Variants in ESPN observed in about 807,000 individuals in gnomAD.
The protein encoded by ESPN is autosomal recessive deafness type 36 protein.
ESPN carries 68 observed loss-of-function variants against 77.7 expected under a neutral mutation model. That is an observed-to-expected ratio of 0.87 (90% CI 0.72 to 1.07). The LOEUF (loss-of-function observed/expected upper bound fraction) is 1.07, where lower values mean the gene tolerates loss of function less well. ESPN is among the 50% of genes least tolerant of loss of function. The pLI, the probability that ESPN is intolerant of heterozygous loss-of-function variation, is 0.00. For missense variants in ESPN, 1,060 were observed against 1,239.0 expected (o/e 0.86, Z 2.17); for synonymous variants, 449 against 567.1 (o/e 0.79, Z 2.96).
chr1:6,432,143 T>G (rs1169659714), intron 2 of ESPN, among the ~76,000 whole-genome samples: 3 of 152,142 alleles, frequency 2.0e-5, no homozygotes, highest in Non-Finnish European at 4.4e-5. Context: ...GCCCAGGGGT[T>G]CAGGCAGCCC....
At chr1:6,425,895 T>TG (rs1422400323) in intron 1 of ESPN, among the ~76,000 whole-genome samples, 1 of 152,106 alleles carries the variant, frequency 6.6e-6, no homozygotes, top group East Asian at 1.9e-4. Context: ...CAGGCAGCGG[T>TG]GGGACAGTTC....
Position 6,428,135 on chromosome 1 carries a change from A to G in ESPN, c.295-91A>G, listed in dbSNP as rs1057165534. 4.4e-6 allele frequency: 6 copies of G among 1,359,392 alleles called. No homozygotes were observed. Among genetic ancestry groups the G allele is most frequent in the Non-Finnish European group, 6.3e-6 (6 of 951,926 alleles). 84.2% of individuals were successfully genotyped at this position (1,359,392 alleles called of 1,614,324 possible). A position where few individuals can be genotyped will look rare whatever the true frequency, so the allele number is the denominator to read the frequency against. On this transcript the variant is annotated intron_variant, in intron 1 of 12. Coordinates refer to ENST00000645284, the MANE Select transcript of ESPN (RefSeq NM_031475.3). The surrounding 1 kb of genome is among the most constrained non-coding windows in gnomAD (Gnocchi z 5.4). ...CAGGGAAGACAGAGAGCACAGAGCT[A>G]CCTTCCAGGCCTGTGGGAGTCTGGG...
intron 2 of ESPN, among the ~76,000 whole-genome samples, chr1:6,432,894 G>A (rs547226769): frequency 4.3e-4 from 65 of 152,232 alleles, no homozygotes; most frequent in African/African-American, 1.4e-3. Context: ...AGGCTGAGGC[G>A]GGTGGAACAC....
At chr1:6,454,357 A>G (rs941524420) in intron 10 of ESPN, 20 of 398,506 alleles carry the variant, frequency 5.0e-5, no homozygotes, top group African/African-American at 2.5e-4. Context: ...GACATGCAAA[A>G]GGCTCCCGGC....
At chr1:6,434,650 C>A (rs1432561500) in intron 2 of ESPN, among the ~76,000 whole-genome samples, 2 of 152,138 alleles carry the variant, frequency 1.3e-5, no homozygotes, top group African/African-American at 2.4e-5. Context: ...CATATTTATT[C>A]ATTCAACAAA....
At chr1:6,452,675 T>C (rs1643970504) in intron 10 of ESPN, among the ~76,000 whole-genome samples, 1 of 152,192 alleles carries the variant, frequency 6.6e-6, no homozygotes. Flanking sequence ...GTGAGGCTGC[T>C]GATGCTGCTG....
At chr1:6,432,874 G>A (rs1018956496) in intron 2 of ESPN, among the ~76,000 whole-genome samples, 1 of 152,248 alleles carries the variant, frequency 6.6e-6, no homozygotes, top group Non-Finnish European at 1.5e-5. Flanking sequence ...TGTAATCCCA[G>A]CACTTTGGGA....
At chr1:6,429,438 C>G (rs1411427669) in intron 2 of ESPN, among the ~76,000 whole-genome samples, 1 of 152,130 alleles carries the variant, frequency 6.6e-6, no homozygotes, top group African/African-American at 2.4e-5. Context: ...CTGTCAGCAC[C>G]TCTTGGAGGC....
In ESPN at chr1:6,460,315, C is replaced by T. The variant is rs1002179475; in HGVS notation, c.*169C>T. ...CCCCCGTATCCCCAGCCCTTGGCAA[C>T]ACTGGAGTGCACACGCCGCCACGGT... On this transcript the variant is annotated 3_prime_UTR_variant, in exon 13 of 13. Coordinates refer to ENST00000645284, the MANE Select transcript of ESPN (RefSeq NM_031475.3). 2 of 799,734 alleles carry T rather than the reference C, an allele frequency of 2.5e-6. No individual in the cohort carries two copies. Among genetic ancestry groups the T allele is most frequent in the Non-Finnish European group, 3.9e-6 (2 of 513,124 alleles). The allele number at this position is 799,734 out of a possible 1,614,324, so 49.5% of individuals were successfully genotyped here.
intron 5 of ESPN, among the ~76,000 whole-genome samples, chr1:6,444,152 G>A (rs1462270140): frequency 3.3e-5 from 5 of 152,224 alleles, no homozygotes; most frequent in East Asian, 1.9e-4. Context: ...CTGCCGATCC[G>A]TGAGGGAGAA....
rs1335130859 is a variant in ESPN at position 6,459,851 on chromosome 1, G to C, written c.2418-148G>C. 3.1e-5 allele frequency: 28 copies of C among 904,226 alleles called. No homozygotes were observed. In the South Asian group the frequency reaches 4.0e-4, roughly 13 times the overall value. The allele number at this position is 904,226 out of a possible 1,614,324, so 56.0% of individuals were successfully genotyped here. A position where few individuals can be genotyped will look rare whatever the true frequency, so the allele number is the denominator to read the frequency against. ...ATTCTGCCCCCAATCTAGCCCCTCT[G>C]TCTTCAGCAACCGAGCCCCAGCCCT... On this transcript the variant is annotated intron_variant, in intron 12 of 12. Transcript: ENST00000645284.
chr1:6,435,686 C>G (rs573080367), intron 2 of ESPN, among the ~76,000 whole-genome samples: 1 of 152,312 alleles, frequency 6.6e-6, no homozygotes, highest in Non-Finnish European at 1.5e-5. Context: ...CCATCCTCTC[C>G]CCTCTAGGTA....
In ESPN at chr1:6,451,983, G is replaced by A; in HGVS notation, c.2212G>A (p.Ala738Thr). The change falls in exon 10 of 13, where the codon GCT becomes ACT. Residue 738 changes from alanine to threonine, a missense_variant. By Grantham distance (58) the Ala-to-Thr change is moderately conservative. This residue lies in a region of ESPN where 374 missense variants were observed against 381.4 expected (regional missense o/e 0.98). Coordinates refer to ENST00000645284, the MANE Select transcript of ESPN (RefSeq NM_031475.3). The surrounding 1 kb of genome is among the most constrained non-coding windows in gnomAD (Gnocchi z 4.3). ...PAPGVQLDVEALIPTHDEQGR... is the reference protein window; with the variant it reads ...PAPGVQLDVETLIPTHDEQGR... The stretch of plus-strand genomic sequence containing the variant: ...GCCGGGAGTGCAGCTGGACGTGGAG[G>A]CTCTCATCCCCACGCACGATGAGCA... 6.2e-7 allele frequency: 1 copy of A among 1,609,252 alleles called. No homozygotes were observed. The highest frequency in any genetic ancestry group is 8.5e-7 in the Non-Finnish European group (1 of 1,177,980).
intron 8 of ESPN, among the ~76,000 whole-genome samples, chr1:6,449,376 T>G (rs988765584): frequency 1.3e-5 from 2 of 151,976 alleles, no homozygotes; most frequent in African/African-American, 4.8e-5. Context: ...TCCCCTCCCC[T>G]CTCTGGGCCT....
chr1:6,458,742 C>G (rs1341716333), intron 12 of ESPN, among the ~76,000 whole-genome samples: 1 of 150,064 alleles, frequency 6.7e-6, no homozygotes, highest in African/African-American at 2.4e-5. Context: ...ACCAGCCTGG[C>G]CAACATGGTG....
Position 6,451,957 on chromosome 1 carries a change from C to T in ESPN, c.2186C>T (p.Ala729Val), listed in dbSNP as rs769832393. Reference sequence around the variant, plus strand: ...GTTCCCGTGCCGCCCACTACTCCTGCGCCGGGAGTGCAGCTGGACGTGGAG... The same window carrying T: ...GTTCCCGTGCCGCCCACTACTCCTGTGCCGGGAGTGCAGCTGGACGTGGAG... The part of the protein sequence containing the change: ...SLVPVPPTTP[A>V]PGVQLDVEAL... The change falls in exon 10 of 13, where the codon GCG becomes GTG. Residue 729 changes from alanine (A) to valine (V), a missense_variant. Ala to Val is a moderately conservative substitution (Grantham distance 64, BLOSUM62 0). Coordinates refer to ENST00000645284, the MANE Select transcript of ESPN (RefSeq NM_031475.3). This position sits in a 1 kb window ranked among gnomAD's most constrained non-coding sequence, Gnocchi z 4.3. 11 of 1,610,598 alleles carry T rather than the reference C, an allele frequency of 6.8e-6. No homozygotes were observed. Among genetic ancestry groups the T allele is most frequent in the Admixed American group, 5.0e-5 (3 of 59,780 alleles).
chr1:6,441,309 A>G (rs1436986050), intron 5 of ESPN, among the ~76,000 whole-genome samples: 1 of 152,196 alleles, frequency 6.6e-6, no homozygotes, highest in African/African-American at 2.4e-5. Flanking sequence ...TGGAGAAATC[A>G]CAAGACAGGA....
In ESPN at chr1:6,428,126, C is replaced by T; in HGVS notation, c.295-100C>T. On this transcript the variant is annotated intron_variant, in intron 1 of 12. Transcript: ENST00000645284. The surrounding 1 kb of genome is among the most constrained non-coding windows in gnomAD (Gnocchi z 5.4). The stretch of plus-strand genomic sequence containing the variant: ...CAATCCCTCCAGGGAAGACAGAGAG[C>T]ACAGAGCTACCTTCCAGGCCTGTGG... The T allele has an allele frequency of 1.6e-6, 2 of 1,281,970 alleles. No individual in the cohort carries two copies. Among genetic ancestry groups the T allele is most frequent in the African/African-American group, 1.5e-5 (1 of 68,530 alleles). 79.4% of individuals were successfully genotyped at this position (1,281,970 alleles called of 1,614,324 possible). A position where few individuals can be genotyped will look rare whatever the true frequency, so the allele number is the denominator to read the frequency against.
At chr1:6,459,856 C>A in intron 12 of ESPN, 143 bp from the exon 13 acceptor site, 3 of 959,556 alleles carry the variant, frequency 3.1e-6, no homozygotes, top group Non-Finnish European at 4.8e-6. Context: ...CCTCTGTCTT[C>A]AGCAACCGAG....
Sources: allele counts gnomAD v4.1 joint callset (sites outside exome capture counted in the v4.1 genomes callset), GRCh38; gene constraint gnomAD v4.1.1; regional missense constraint gnomAD v4.1.1; non-coding constraint Gnocchi (gnomAD v3.1); transcripts MANE v1.5; gene names NCBI Gene and HGNC (gene_info 2026-07-23, HGNC 2026-07-21).